The following NCOR2 variants were observed in gnomAD, a reference collection of about 807,000 sequenced individuals.
The protein encoded by NCOR2 is nuclear receptor corepressor 2.
A neutral mutation model predicts 262.9 loss-of-function variants in NCOR2; 81 were observed. The ratio of observed to expected loss-of-function variants is 0.31; its 90% CI spans 0.26 to 0.37. The LOEUF (loss-of-function observed/expected upper bound fraction) is 0.37. Ranked by LOEUF, NCOR2 falls within the 10% of genes least tolerant of loss-of-function variation. The pLI is 1.00. For missense variants in NCOR2, 3,385 were observed against 3,621.4 expected, an observed-to-expected ratio of 0.93 and a Z score of 1.68; for synonymous variants, 1,659 against 1,559.3, an observed-to-expected ratio of 1.06 and a Z score of -1.51.
At position 124,378,396 on chromosome 12, in the gene NCOR2, G is replaced by A. The variant is rs752656186; in HGVS notation, c.2020-12C>T. The stretch of plus-strand genomic sequence containing the variant: ...TTCCTCTCCTTCTCCTGGGGCACAG[G>A]GAAGCAGCAGATCAGGACTGGGGCC... On this transcript the variant is annotated splice_polypyrimidine_tract_variant and intron_variant, in intron 17 of 46. Transcript: ENST00000405201. This position sits in a 1 kb window ranked among gnomAD's most constrained non-coding sequence, Gnocchi z 4.2. The A allele has an allele frequency of 8.1e-6, 13 of 1,606,896 alleles. No individual in the cohort carries two copies. Among genetic ancestry groups the A allele is most frequent in the Admixed American group, 5.0e-5 (3 of 59,702 alleles).
At position 124,439,272 on chromosome 12, in the gene NCOR2, G is replaced by C. The variant is rs539276864; in HGVS notation, c.816-1276C>G. On this transcript the variant is annotated intron_variant, in intron 7 of 46. Transcript: ENST00000405201. The stretch of plus-strand genomic sequence containing the variant: ...CCAGAGAGAGAGAGATGGAGACCCT[G>C]AGACAGAGGGAGAGAGAGACCCAGA... Among the ~76,000 whole-genome samples, 10 of 2,866 alleles carry C rather than the reference G, an allele frequency of 3.5e-3. No individual in the cohort carries two copies. In the East Asian group the frequency reaches 0.079, roughly 23 times the overall value. The allele number at this position is 2,866 out of a possible 152,430, so 1.9% of individuals were successfully genotyped here.
At chr12:124,358,848 AT>A (rs1165574472) in intron 22 of NCOR2, among the ~76,000 whole-genome samples, 20 of 152,166 alleles carry the variant, frequency 1.3e-4, no homozygotes, top group Admixed American at 1.3e-3. Context: ...TCACTCATTT[AT>A]TCTCACAGCA....
At chr12:124,338,425 T>C (rs1472571521) in intron 37 of NCOR2, among the ~76,000 whole-genome samples, 1 of 151,164 alleles carries the variant, frequency 6.6e-6, no homozygotes, top group African/African-American at 2.4e-5. Flanking sequence ...GGAGAATCAC[T>C]TGAACCCAGG....
chr12:124,500,241 G>T (rs183570653), upstream of NCOR2, among the ~76,000 whole-genome samples: 290 of 152,268 alleles, frequency 1.9e-3, 1 homozygote, highest in Middle Eastern at 0.017. Flanking sequence ...CAGGGCCCCT[G>T]CTGGCCCCTG....
intron 9 of NCOR2, 104 bp from the exon 12 acceptor site, chr12:124,429,810 G>T: frequency 3.5e-6 from 4 of 1,140,210 alleles, no homozygotes; most frequent in Non-Finnish European, 5.0e-6. Context: ...CAGAGGAGAA[G>T]TGTGGGCAGC....
chr12:124,344,111 G>C (rs981300135), intron 32 of NCOR2, among the ~76,000 whole-genome samples: 2 of 152,184 alleles, frequency 1.3e-5, no homozygotes, highest in Non-Finnish European at 2.9e-5. Flanking sequence ...AAGGCCCCCA[G>C]CAAATACTGA....
chr12:124,446,325 C>T (rs1468668823), intron 7 of NCOR2, among the ~76,000 whole-genome samples: 4 of 152,210 alleles, frequency 2.6e-5, no homozygotes, highest in Non-Finnish European at 5.9e-5. Flanking sequence ...CCAAAGTGAA[C>T]TTTTAAAACA....
intron 1 of NCOR2, among the ~76,000 whole-genome samples, chr12:124,522,287 G>A (rs1224178768): frequency 1.3e-5 from 2 of 152,180 alleles, no homozygotes; most frequent in East Asian, 3.9e-4. Flanking sequence ...AACTGTATTC[G>A]TTTCCTGTGG....
chr12:124,400,371 A>C (rs894193316), intron 15 of NCOR2, 130 bp downstream of exon 17: 1 of 1,276,856 alleles, frequency 7.8e-7, no homozygotes, highest in South Asian at 1.4e-5. Flanking sequence ...CTGGGATTTG[A>C]CTCCAACCAT....
In NCOR2 at chr12:124,332,538, C is replaced by CA. The variant is rs1350272341; in HGVS notation, c.6756-72dup. 205 of 1,600,374 alleles carry CA rather than the reference C, an allele frequency of 1.3e-4. 1 individual carries two copies. In the East Asian group the frequency reaches 4.5e-3, roughly 35 times the overall value. On this transcript the variant is annotated intron_variant, in intron 42 of 46. Transcript: ENST00000405201. ...TGCATGCCTTTGATGATGGGGAACT[C>CA]ACCACCTGAGATGCCTTAGACATTT...
exon 38 of NCOR2, chr12:124,336,855 T>A: frequency 6.2e-7 from 1 of 1,611,936 alleles, no homozygotes; most frequent in Non-Finnish European, 8.5e-7. Context: ...GGGTCCGGGC[T>A]GGCGTGGTGA....
intron 1 of NCOR2, among the ~76,000 whole-genome samples, chr12:124,490,123 G>C (rs1424276866): frequency 6.6e-6 from 1 of 152,088 alleles, no homozygotes; most frequent in South Asian, 2.1e-4. Context: ...TGCACATACT[G>C]TTCCTGCTGC....
intron 5 of NCOR2, among the ~76,000 whole-genome samples, chr12:124,463,138 T>C: frequency 6.6e-6 from 1 of 152,332 alleles, no homozygotes; most frequent in East Asian, 1.9e-4. Context: ...AAATGCCCCT[T>C]ATGTATCCAC....
At chr12:124,340,852 G>T in intron 34 of NCOR2, 101 bp from the exon 37 acceptor site, 1 of 1,177,656 alleles carries the variant, frequency 8.5e-7, no homozygotes, top group Non-Finnish European at 1.1e-6. Flanking sequence ...ACACACTCCT[G>T]GAGCCAGCAG....
exon 42 of NCOR2, chr12:124,333,132 G>A (rs1271137942): frequency 3.7e-6 from 6 of 1,603,958 alleles, no homozygotes; most frequent in African/African-American, 1.3e-5. Context: ...AGAAGTACCT[G>A]GGCTCCGTCT....
chr12:124,387,018 T>A (rs2040854751), intron 16 of NCOR2, among the ~76,000 whole-genome samples: 2 of 152,256 alleles, frequency 1.3e-5, no homozygotes, highest in Non-Finnish European at 2.9e-5. Context: ...CTGAATCACG[T>A]AGCTCGGGAC....
intron 6 of NCOR2, among the ~76,000 whole-genome samples, chr12:124,451,482 G>C (rs147953480): frequency 2.0e-5 from 3 of 152,216 alleles, no homozygotes; most frequent in African/African-American, 7.2e-5. Context: ...AGATGAGCCT[G>C]AATGACAGCC....
At chr12:124,426,872 A>C in intron 10 of NCOR2, 72 bp from the exon 13 acceptor site, 1 of 1,439,474 alleles carries the variant, frequency 6.9e-7, no homozygotes, top group Non-Finnish European at 9.3e-7. Flanking sequence ...GGACCCAGGG[A>C]AGACACAGAG....
chr12:124,334,351 A>C, intron 41 of NCOR2, 73 bp downstream of exon 43: 1 of 1,158,604 alleles, frequency 8.6e-7, no homozygotes, highest in African/African-American at 1.6e-5. Flanking sequence ...GCTCAGACCC[A>C]GCTCTGAGGC....
Sources: gnomAD v4.1 joint callset for allele counts (sites outside exome capture counted in the v4.1 genomes callset) on GRCh38, gnomAD v4.1.1 for gene constraint, Gnocchi (gnomAD v3.1) non-coding constraint, MANE v1.5 for transcripts, NCBI Gene and HGNC (gene_info 2026-07-23, HGNC 2026-07-21) for gene names.